The following ADAMTSL3 variants were observed in gnomAD, a reference collection of about 807,000 sequenced individuals.
The protein encoded by ADAMTSL3 is ADAMTS-like protein 3.
In ADAMTSL3, 128 loss-of-function variants were observed where a neutral mutation model predicts 201.7. The observed-to-expected ratio is 0.63, with a 90% confidence interval of 0.55 to 0.73. The LOEUF is 0.73. Among genes scored for constraint, ADAMTSL3 ranks in the 30% least tolerant of loss-of-function variants. The probability of loss-of-function intolerance (pLI) is 0.00; values close to 1 mark genes in which losing one functional copy is unlikely to be tolerated. For synonymous variants in ADAMTSL3, 738 were observed against 748.4 expected, an observed-to-expected ratio of 0.99 and a Z score of 0.23; for missense variants, 1,990 against 2,119.6, an observed-to-expected ratio of 0.94 and a Z score of 1.20.
At chr15:83,690,729 C>T (rs1272956140) in intron 2 of ADAMTSL3, among the ~76,000 whole-genome samples, 3 of 152,138 alleles carry the variant, frequency 2.0e-5, no homozygotes, top group East Asian at 1.9e-4. Flanking sequence ...TGTCTTGTTC[C>T]GTCTCTCATG....
At chr15:83,819,444 C>G (rs1395764671) in intron 5 of ADAMTSL3, among the ~76,000 whole-genome samples, 1 of 151,802 alleles carries the variant, frequency 6.6e-6, no homozygotes, top group Non-Finnish European at 1.5e-5. Context: ...TTTGGTTTCC[C>G]TTGTTTTAAA....
chr15:83,739,647 G>A, intron 3 of ADAMTSL3: 1 of 190,154 alleles, frequency 5.3e-6, no homozygotes, highest in Non-Finnish European at 1.1e-5. Context: ...TTCTGGATAA[G>A]GGATACTCAA....
intron 5 of ADAMTSL3, among the ~76,000 whole-genome samples, chr15:83,813,333 G>A (rs775391529): frequency 6.6e-6 from 1 of 152,144 alleles, no homozygotes; most frequent in Non-Finnish European, 1.5e-5. Flanking sequence ...TGGATCCCTA[G>A]CATAGGGGAG....
At chr15:83,872,093 G>A (rs888985832) in intron 9 of ADAMTSL3, among the ~76,000 whole-genome samples, 1 of 152,004 alleles carries the variant, frequency 6.6e-6, no homozygotes, top group Non-Finnish European at 1.5e-5. Flanking sequence ...CCTGCACAGT[G>A]TATTGTTTTG....
At chr15:83,787,347 T>C (rs1472613753) in intron 4 of ADAMTSL3, among the ~76,000 whole-genome samples, 1 of 152,216 alleles carries the variant, frequency 6.6e-6, no homozygotes, top group South Asian at 2.1e-4. Context: ...GGTATAAATT[T>C]AATACATTTT....
intron 3 of ADAMTSL3, chr15:83,739,971 C>A: frequency 2.1e-6 from 1 of 487,080 alleles, no homozygotes; most frequent in South Asian, 1.7e-5. Flanking sequence ...AGCATGTGAC[C>A]AGGGCAGTGT....
chr15:83,956,611 C>A (rs2066866412), intron 19 of ADAMTSL3, among the ~76,000 whole-genome samples: 1 of 152,016 alleles, frequency 6.6e-6, no homozygotes, highest in Admixed American at 6.6e-5. Context: ...AAAATATGCC[C>A]AGTGGATTCA....
At chr15:83,760,157 C>G (rs184277929) in intron 3 of ADAMTSL3, among the ~76,000 whole-genome samples, 90 of 152,112 alleles carry the variant, frequency 5.9e-4, no homozygotes, top group Non-Finnish European at 1.0e-3. Flanking sequence ...CATCTTTCTT[C>G]TTTTCAAATA....
intron 7 of ADAMTSL3, among the ~76,000 whole-genome samples, chr15:83,851,684 A>G (rs1014336885): frequency 2.0e-4 from 30 of 152,254 alleles, no homozygotes; most frequent in African/African-American, 6.0e-4. Context: ...CATGTATTCA[A>G]TCACACTGCC....
At chr15:83,732,314 A>G (rs1329964028) in intron 3 of ADAMTSL3, among the ~76,000 whole-genome samples, 2 of 152,076 alleles carry the variant, frequency 1.3e-5, no homozygotes, top group African/African-American at 4.8e-5. Context: ...TAAGCTAAAA[A>G]TAATACACTA....
intron 4 of ADAMTSL3, among the ~76,000 whole-genome samples, chr15:83,774,837 G>A (rs997773088): frequency 4.0e-5 from 6 of 151,044 alleles, no homozygotes; most frequent in South Asian, 2.1e-4. Flanking sequence ...CACCCTGTGG[G>A]CAAGGGGAGG....
chr15:83,986,196 A>T (rs1314796475), intron 21 of ADAMTSL3, among the ~76,000 whole-genome samples: 4 of 152,222 alleles, frequency 2.6e-5, no homozygotes, highest in Non-Finnish European at 4.4e-5. Flanking sequence ...TGCTTTGAAG[A>T]CTGCTAACTT....
intron 4 of ADAMTSL3, among the ~76,000 whole-genome samples, chr15:83,798,687 ATCCCAG>A (rs1028422710): frequency 8.5e-5 from 13 of 152,104 alleles, no homozygotes; most frequent in African/African-American, 2.9e-4. Flanking sequence ...CATGCCTGTA[ATCCCAG>A]CTACTCAGGA....
intron 15 of ADAMTSL3, 36 bp from the exon 16 acceptor site, chr15:83,913,056 A>G (rs761017407): frequency 6.2e-7 from 1 of 1,602,812 alleles, no homozygotes; most frequent in Non-Finnish European, 8.5e-7. Context: ...AATGACCCTC[A>G]GTGTCCTTTT....
chr15:83,984,351 T>A (rs2067438662), intron 21 of ADAMTSL3, among the ~76,000 whole-genome samples: 1 of 152,202 alleles, frequency 6.6e-6, no homozygotes, highest in Non-Finnish European at 1.5e-5. Context: ...ATGTGAAACA[T>A]CAGAAAAAAC....
chr15:83,814,829 C>G (rs2063748889), intron 5 of ADAMTSL3, among the ~76,000 whole-genome samples: 2 of 152,156 alleles, frequency 1.3e-5, no homozygotes, highest in Admixed American at 1.3e-4. Flanking sequence ...TACATGAAAG[C>G]TTGGTCCAGT....
At chr15:83,972,012 GT>G (rs1048029131) in intron 20 of ADAMTSL3, among the ~76,000 whole-genome samples, 2 of 151,172 alleles carry the variant, frequency 1.3e-5, no homozygotes, top group African/African-American at 4.9e-5. Context: ...AAATAATTAA[GT>G]TTTTTTTAAG....
chr15:84,034,645 C>T (rs2068471582), intron 28 of ADAMTSL3, among the ~76,000 whole-genome samples: 1 of 152,190 alleles, frequency 6.6e-6, no homozygotes, highest in Non-Finnish European at 1.5e-5. Context: ...GGCCTCACCT[C>T]AGGCAGTGAA....
At chr15:83,664,269 T>C (rs1306166246) in intron 2 of ADAMTSL3, among the ~76,000 whole-genome samples, 2 of 145,616 alleles carry the variant, frequency 1.4e-5, no homozygotes, top group East Asian at 3.9e-4. Context: ...TTTTCTTTTC[T>C]TTTCGTTTTT....
Sources: allele counts gnomAD v4.1 joint callset (sites outside exome capture counted in the v4.1 genomes callset), GRCh38; gene constraint gnomAD v4.1.1; transcripts MANE v1.5; gene names NCBI Gene and HGNC (gene_info 2026-07-23, HGNC 2026-07-21).